PTPRR: variants seen among roughly 807,000 people sequenced by gnomAD.
PTPRR encodes protein tyrosine phosphatase receptor type R, also known as receptor-type tyrosine-protein phosphatase R.
A neutral mutation model predicts 77.2 loss-of-function variants in PTPRR; 38 were observed. That is an observed-to-expected ratio of 0.49 (90% CI 0.38 to 0.65). PTPRR has a LOEUF of 0.65. PTPRR is among the 30% of genes least tolerant of loss of function. PTPRR has a pLI of 0.00. For synonymous variants in PTPRR, 299 were observed against 283.1 expected (o/e 1.06, Z -0.57); for missense variants, 744 against 799.2 (o/e 0.93, Z 0.83).
chr12:70,685,029 A>T, intron 8 of PTPRR: 1 of 313,814 alleles, frequency 3.2e-6, no homozygotes, highest in Non-Finnish European at 5.8e-6. Flanking sequence ...GCCATTTCTC[A>T]TCTGTTCCGG....
At chr12:70,802,313 T>C (rs973122432) in intron 2 of PTPRR, among the ~76,000 whole-genome samples, 6 of 152,332 alleles carry the variant, frequency 3.9e-5, no homozygotes, top group South Asian at 2.1e-4. Context: ...CTTTTCATGA[T>C]TGATGAAATA....
intron 2 of PTPRR, among the ~76,000 whole-genome samples, chr12:70,820,525 G>C (rs1417429472): frequency 1.3e-5 from 2 of 152,154 alleles, no homozygotes; most frequent in African/African-American, 4.8e-5. Context: ...AGTAGCGACG[G>C]AGTTTCACCA....
At chr12:70,792,979 T>G (rs1047866065) in intron 2 of PTPRR, among the ~76,000 whole-genome samples, 3 of 152,186 alleles carry the variant, frequency 2.0e-5, no homozygotes, top group Non-Finnish European at 2.9e-5. Flanking sequence ...AAATCATTAA[T>G]GATCTACTAA....
intron 2 of PTPRR, among the ~76,000 whole-genome samples, chr12:70,776,483 C>A (rs1210412815): frequency 6.6e-6 from 1 of 152,126 alleles, no homozygotes; most frequent in Admixed American, 6.6e-5. Flanking sequence ...TCAAAATACT[C>A]TGAAAAAATC....
At chr12:70,784,143 G>A (rs370604671) in intron 2 of PTPRR, among the ~76,000 whole-genome samples, 1 of 152,180 alleles carries the variant, frequency 6.6e-6, no homozygotes, top group Non-Finnish European at 1.5e-5. Context: ...TAGATCCGCA[G>A]CCCTGACTTG....
At chr12:70,670,376 C>T (rs182113715) in intron 10 of PTPRR, among the ~76,000 whole-genome samples, 54 of 152,246 alleles carry the variant, frequency 3.5e-4, no homozygotes, top group African/African-American at 1.3e-3. Flanking sequence ...ATTAAACAAG[C>T]CTGGATTGAA....
chr12:70,668,687 C>T (rs892810671), intron 10 of PTPRR, among the ~76,000 whole-genome samples: 3 of 152,084 alleles, frequency 2.0e-5, no homozygotes, highest in Non-Finnish European at 4.4e-5. Context: ...GTAAAATTTA[C>T]ATATCTATTG....
intron 2 of PTPRR, among the ~76,000 whole-genome samples, chr12:70,818,489 A>G (rs2137037613): frequency 6.6e-6 from 1 of 152,268 alleles, no homozygotes; most frequent in Non-Finnish European, 1.5e-5. Flanking sequence ...ATTATTTAGA[A>G]TCTAATATTA....
chr12:70,831,616 C>T (rs1469747095), intron 2 of PTPRR, among the ~76,000 whole-genome samples: 3 of 152,144 alleles, frequency 2.0e-5, no homozygotes, highest in African/African-American at 4.8e-5. Context: ...TAGAGCAGCC[C>T]ACACAAGTGT....
At chr12:70,756,933 A>T (rs1890577693) in intron 4 of PTPRR, among the ~76,000 whole-genome samples, 1 of 152,178 alleles carries the variant, frequency 6.6e-6, no homozygotes, top group Non-Finnish European at 1.5e-5. Context: ...GTTACAAAGT[A>T]TCTGGTTAAT....
intron 2 of PTPRR, among the ~76,000 whole-genome samples, chr12:70,800,123 T>A (rs952247156): frequency 2.6e-5 from 4 of 152,200 alleles, no homozygotes; most frequent in African/African-American, 9.7e-5. Flanking sequence ...GTTTGGCTAT[T>A]TCGCTAAAAT....
chr12:70,811,144 G>C (rs1321350778), intron 2 of PTPRR, among the ~76,000 whole-genome samples: 2 of 152,122 alleles, frequency 1.3e-5, no homozygotes, highest in Admixed American at 1.3e-4. Context: ...TTAGATGTTT[G>C]CATTTGATGG....
rs184775399 is a variant in PTPRR at position 70,737,677 on chromosome 12, G to C, written c.1007+8141C>G. 4.9e-4 allele frequency among the ~76,000 whole-genome samples: 75 copies of C among 152,122 alleles called. 3 individuals are homozygous for C. The Middle Eastern group carries it at 0.014, about 28-fold the overall frequency. Reference sequence around the variant, plus strand: ...TGGGAGTACAGGTAAACACCACCATGCCTGGCTAATTTGTTAAAAAATTTT... The same window carrying C: ...TGGGAGTACAGGTAAACACCACCATCCCTGGCTAATTTGTTAAAAAATTTT... On this transcript the variant is annotated intron_variant, in intron 6 of 13. Coordinates refer to ENST00000283228, the MANE Select transcript of PTPRR (RefSeq NM_002849.4).
chr12:70,668,975 A>G (rs1182956979), intron 10 of PTPRR, among the ~76,000 whole-genome samples: 1 of 152,158 alleles, frequency 6.6e-6, no homozygotes, highest in Non-Finnish European at 1.5e-5. Flanking sequence ...TTTGTGGACA[A>G]TAAATTGGAA....
intron 2 of PTPRR, among the ~76,000 whole-genome samples, chr12:70,811,575 C>A (rs781077307): frequency 9.2e-5 from 14 of 152,198 alleles, no homozygotes; most frequent in African/African-American, 3.4e-4. Flanking sequence ...ACTCAGGCAA[C>A]GCTGGTCTCC....
At chr12:70,655,943 G>A (rs915840940) in intron 13 of PTPRR, among the ~76,000 whole-genome samples, 16 of 152,164 alleles carry the variant, frequency 1.1e-4, no homozygotes, top group Non-Finnish European at 2.1e-4. Flanking sequence ...CAGATGCAGT[G>A]CCTTTCACCT....
intron 8 of PTPRR, among the ~76,000 whole-genome samples, chr12:70,691,461 C>A: frequency 6.6e-6 from 1 of 152,130 alleles, no homozygotes; most frequent in South Asian, 2.1e-4. Context: ...CCTCTTTTAT[C>A]CTCACTTGAT....
chr12:70,760,145 G>T (rs1264895882), intron 4 of PTPRR, among the ~76,000 whole-genome samples: 2 of 152,176 alleles, frequency 1.3e-5, no homozygotes, highest in African/African-American at 2.4e-5. Flanking sequence ...TACCTAGGCT[G>T]TGTGAGAATT....
At chr12:70,747,923 T>C in intron 5 of PTPRR, among the ~76,000 whole-genome samples, 1 of 152,168 alleles carries the variant, frequency 6.6e-6, no homozygotes, top group East Asian at 1.9e-4. Flanking sequence ...GCAGTGATTC[T>C]CAACTGGCAG....
Sources: gnomAD v4.1 joint callset for allele counts (sites outside exome capture counted in the v4.1 genomes callset) on GRCh38, gnomAD v4.1.1 for gene constraint, MANE v1.5 for transcripts, NCBI Gene and HGNC (gene_info 2026-07-23, HGNC 2026-07-21) for gene names.